PACRG: variants seen among roughly 807,000 people sequenced by gnomAD.
The protein encoded by PACRG is parkin coregulated gene protein.
In PACRG, 29 loss-of-function variants were observed where a neutral mutation model predicts 29.7. That is an observed-to-expected ratio of 0.98 (90% CI 0.73 to 1.33). The LOEUF (loss-of-function observed/expected upper bound fraction) is 1.33. Ranked by LOEUF, PACRG falls within the 40% of genes most tolerant of loss-of-function variation. The pLI is 0.00. For missense variants in PACRG, 279 were observed against 316.2 expected (o/e 0.88, Z 0.89); for synonymous variants, 116 against 118.7 (o/e 0.98, Z 0.15).
intron 2 of PACRG, among the ~76,000 whole-genome samples, chr6:162,941,296 T>G (rs887497886): frequency 7.9e-5 from 12 of 152,324 alleles, no homozygotes; most frequent in Non-Finnish European, 1.8e-4. Context: ...TGTGACTCCC[T>G]GTTCTGTTGG....
At chr6:163,202,208 CA>C (rs1780730553) in intron 4 of PACRG, among the ~76,000 whole-genome samples, 1 of 152,050 alleles carries the variant, frequency 6.6e-6, no homozygotes, top group African/African-American at 2.4e-5. Flanking sequence ...GTCCACTGGT[CA>C]GGGGTGGGAG....
chr6:162,789,928 C>T (rs1193481584), intron 1 of PACRG, among the ~76,000 whole-genome samples: 1 of 152,126 alleles, frequency 6.6e-6, no homozygotes, highest in Non-Finnish European at 1.5e-5. Flanking sequence ...GTCTGCATAT[C>T]TACCTGCATA....
chr6:163,075,600 C>G (rs1489765063), intron 3 of PACRG, among the ~76,000 whole-genome samples: 1 of 151,982 alleles, frequency 6.6e-6, no homozygotes, highest in African/African-American at 2.4e-5. Context: ...TGGCTTAACA[C>G]TAGAAAAATC....
chr6:163,217,976 G>A (rs943511905), intron 4 of PACRG, among the ~76,000 whole-genome samples: 9 of 152,118 alleles, frequency 5.9e-5, no homozygotes, highest in African/African-American at 1.9e-4. Context: ...CACTTGAACC[G>A]TGAAACCCTC....
intron 2 of PACRG, among the ~76,000 whole-genome samples, chr6:162,953,907 A>G (rs1212262581): frequency 6.6e-6 from 1 of 152,214 alleles, no homozygotes; most frequent in Admixed American, 6.5e-5. Flanking sequence ...GAACTTATCA[A>G]TACTGCCTTT....
At chr6:163,093,953 G>A (rs996414313) in intron 4 of PACRG, among the ~76,000 whole-genome samples, 14 of 152,270 alleles carry the variant, frequency 9.2e-5, no homozygotes, top group South Asian at 2.1e-4. Flanking sequence ...TAATTTAAAC[G>A]GCTTCTAAGA....
At chr6:163,235,180 T>A (rs1782187519) in intron 4 of PACRG, among the ~76,000 whole-genome samples, 1 of 152,162 alleles carries the variant, frequency 6.6e-6, no homozygotes, top group Non-Finnish European at 1.5e-5. Flanking sequence ...GTTGTGGGCA[T>A]GACTCGAGCA....
At chr6:163,256,304 C>T (rs1236394986) in intron 4 of PACRG, among the ~76,000 whole-genome samples, 1 of 152,138 alleles carries the variant, frequency 6.6e-6, no homozygotes, top group East Asian at 1.9e-4. Flanking sequence ...ATGCTGAGTC[C>T]CACCACGTGC....
chr6:163,225,074 GC>G (rs1167983412), intron 4 of PACRG, among the ~76,000 whole-genome samples: 1 of 152,126 alleles, frequency 6.6e-6, no homozygotes, highest in Non-Finnish European at 1.5e-5. Flanking sequence ...CATACAGATG[GC>G]AAACAGGTAC....
At chr6:162,972,276 G>A (rs1801597572) in intron 2 of PACRG, among the ~76,000 whole-genome samples, 1 of 152,182 alleles carries the variant, frequency 6.6e-6, no homozygotes, top group East Asian at 1.9e-4. Context: ...CTATGGACCA[G>A]TCAAGGATTG....
intron 4 of PACRG, among the ~76,000 whole-genome samples, chr6:163,297,282 C>A (rs1784812136): frequency 6.6e-6 from 1 of 152,222 alleles, no homozygotes; most frequent in Admixed American, 6.5e-5. Context: ...TCAGCACACC[C>A]ACTGAAATAC....
chr6:162,890,578 C>A (rs1168790558), intron 2 of PACRG, among the ~76,000 whole-genome samples: 2 of 152,210 alleles, frequency 1.3e-5, no homozygotes, highest in East Asian at 1.9e-4. Context: ...TCACACTCAG[C>A]GCCTTAGCTT....
At chr6:162,728,468 G>A (rs113970913) in intron 1 of PACRG, 77 bp downstream of exon 1, 16 of 1,537,048 alleles carry the variant, frequency 1.0e-5, no homozygotes, top group Non-Finnish European at 1.4e-5. Context: ...GCCAGCCTTA[G>A]GATGGACTCT....
intron 1 of PACRG, among the ~76,000 whole-genome samples, chr6:162,802,695 C>T (rs950285590): frequency 6.6e-6 from 1 of 152,140 alleles, no homozygotes; most frequent in East Asian, 1.9e-4. Flanking sequence ...TACAGTCTGG[C>T]TTCCACCTCA....
At position 163,120,585 on chromosome 6, in the gene PACRG, A is replaced by C. The variant is rs915267542; in HGVS notation, c.613+31177A>C. Among the ~76,000 whole-genome samples, 29 of 152,270 alleles carry C rather than the reference A, an allele frequency of 1.9e-4. 1 individual carries two copies. The highest frequency in any genetic ancestry group is 5.5e-4 in the African/African-American group (23 of 41,538). On this transcript the variant is annotated intron_variant, in intron 4 of 4. Transcript: ENST00000366888. ...TTACCGCAGAGGTAGATATTCACTT[A>C]TTCAAAATTTAAGTGCCTACTATGT...
chr6:162,838,210 G>A (rs369738377), intron 2 of PACRG, among the ~76,000 whole-genome samples: 18 of 152,168 alleles, frequency 1.2e-4, no homozygotes, highest in Admixed American at 4.6e-4. Flanking sequence ...CTGAATCTCC[G>A]TGGCTTGACA....
chr6:162,946,783 C>G (rs1799040139), intron 2 of PACRG, among the ~76,000 whole-genome samples: 2 of 152,208 alleles, frequency 1.3e-5, no homozygotes, highest in African/African-American at 2.4e-5. Context: ...TATACCATAT[C>G]AAGTGGGATT....
chr6:163,054,714 T>G (rs1810386264), intron 2 of PACRG, among the ~76,000 whole-genome samples: 1 of 152,064 alleles, frequency 6.6e-6, no homozygotes, highest in African/African-American at 2.4e-5. Flanking sequence ...GCTAGGGTGC[T>G]TCCCACCAGC....
At chr6:162,984,411 A>T (rs1209428502) in intron 2 of PACRG, among the ~76,000 whole-genome samples, 1 of 151,750 alleles carries the variant, frequency 6.6e-6, no homozygotes, top group African/African-American at 2.4e-5. Flanking sequence ...TTCTTTATCA[A>T]CCCCTTGATT....
Sources: gnomAD v4.1 joint callset for allele counts (sites outside exome capture counted in the v4.1 genomes callset) on GRCh38, gnomAD v4.1.1 for gene constraint, MANE v1.5 for transcripts, NCBI Gene and HGNC (gene_info 2026-07-23, HGNC 2026-07-21) for gene names.